Variants in AGMO observed in about 807,000 individuals in gnomAD.
AGMO encodes the protein alkylglycerol monooxygenase, also known as glyceryl-ether monooxygenase.
AGMO carries 75 observed loss-of-function variants against 60.2 expected under a neutral mutation model. That is an observed-to-expected ratio of 1.25 (90% CI 1.03 to 1.51). The LOEUF (loss-of-function observed/expected upper bound fraction) is 1.51. Ranked by LOEUF, AGMO falls within the 40% of genes most tolerant of loss-of-function variation. The pLI, the probability that AGMO is intolerant of heterozygous loss-of-function variation, is 0.00. For synonymous variants in AGMO, 261 were observed against 177.1 expected (o/e 1.47, Z -3.76); for missense variants, 763 against 525.5 (o/e 1.45, Z -4.42).
chr7:15,275,126 G>A (rs1178852757), intron 12 of AGMO, among the ~76,000 whole-genome samples: 2 of 151,816 alleles, frequency 1.3e-5, no homozygotes, highest in Non-Finnish European at 2.9e-5. Context: ...AGTTTCTGGA[G>A]GTGCAAAGTT....
chr7:15,544,630 ACCTT>A, intron 3 of AGMO, 138 bp downstream of exon 3: 1 of 710,338 alleles, frequency 1.4e-6, no homozygotes, highest in Non-Finnish European at 2.0e-6. Flanking sequence ...TGCAAAGTAA[ACCTT>A]CATTATTAAT....
intron 12 of AGMO, among the ~76,000 whole-genome samples, chr7:15,352,183 A>G (rs1305306643): frequency 1.3e-5 from 2 of 152,152 alleles, no homozygotes; most frequent in Non-Finnish European, 2.9e-5. Context: ...TCACCCCGCC[A>G]TAGATCTTCA....
At chr7:15,386,803 C>G (rs1339023097) in intron 9 of AGMO, among the ~76,000 whole-genome samples, 1 of 152,182 alleles carries the variant, frequency 6.6e-6, no homozygotes, top group Non-Finnish European at 1.5e-5. Context: ...AGCACCTTCT[C>G]TTTCTTCCCC....
At chr7:15,265,011 G>C (rs1043114120) in intron 12 of AGMO, among the ~76,000 whole-genome samples, 12 of 152,094 alleles carry the variant, frequency 7.9e-5, no homozygotes, top group African/African-American at 2.9e-4. Context: ...ATTCACAAGA[G>C]CAAAGACATG....
At chr7:15,417,961 A>G (rs1309033815) in intron 5 of AGMO, among the ~76,000 whole-genome samples, 3 of 152,170 alleles carry the variant, frequency 2.0e-5, no homozygotes, top group Non-Finnish European at 4.4e-5. Flanking sequence ...TCATAAACCA[A>G]TCAGCTGCTT....
chr7:15,249,224 T>A (rs1475860501), intron 12 of AGMO, among the ~76,000 whole-genome samples: 1 of 152,182 alleles, frequency 6.6e-6, no homozygotes, highest in Non-Finnish European at 1.5e-5. Flanking sequence ...GGAAGGTATA[T>A]CTGACTTTAA....
chr7:15,368,890 T>C (rs1783091203), intron 10 of AGMO, among the ~76,000 whole-genome samples: 1 of 152,148 alleles, frequency 6.6e-6, no homozygotes, highest in Non-Finnish European at 1.5e-5. Context: ...ACCAACTTGA[T>C]GCAGGAATCC....
chr7:15,496,038 T>C (rs1436176004), intron 3 of AGMO, among the ~76,000 whole-genome samples: 3 of 152,100 alleles, frequency 2.0e-5, no homozygotes, highest in Non-Finnish European at 2.9e-5. Flanking sequence ...GAGACACAAA[T>C]ACTCAGTCCA....
chr7:15,399,834 C>T (rs1453360601), intron 5 of AGMO, among the ~76,000 whole-genome samples: 4 of 152,168 alleles, frequency 2.6e-5, no homozygotes, highest in African/African-American at 9.7e-5. Flanking sequence ...ATGTCCAAAA[C>T]TTTCAGAGTT....
chr7:15,176,332 T>C, the AGMO span, among the ~76,000 whole-genome samples: 4 of 151,912 alleles, frequency 2.6e-5, no homozygotes, highest in African/African-American at 9.7e-5. Context: ...AAGTTTCCGA[T>C]CTACAACTGA....
At chr7:15,317,503 G>C (rs1780961109) in intron 12 of AGMO, among the ~76,000 whole-genome samples, 1 of 152,030 alleles carries the variant, frequency 6.6e-6, no homozygotes, top group Admixed American at 6.6e-5. Flanking sequence ...TCACGTTGTT[G>C]GGTATAATAT....
At chr7:15,529,216 A>ATTG (rs1784210897) in intron 3 of AGMO, among the ~76,000 whole-genome samples, 1 of 151,866 alleles carries the variant, frequency 6.6e-6, no homozygotes, top group Non-Finnish European at 1.5e-5. Flanking sequence ...TGTTATTATT[A>ATTG]TTGGAGGATG....
chr7:15,181,071 T>C, the AGMO span, among the ~76,000 whole-genome samples: 1 of 152,196 alleles, frequency 6.6e-6, no homozygotes, highest in Admixed American at 6.5e-5. Flanking sequence ...TGAGGGCAGA[T>C]CCCTCATGAC....
intron 3 of AGMO, among the ~76,000 whole-genome samples, chr7:15,448,692 G>A (rs531042980): frequency 6.6e-5 from 9 of 135,740 alleles, no homozygotes; most frequent in South Asian, 4.7e-4. Flanking sequence ...TTTAAATTTT[G>A]CTTTTGAATT....
chr7:15,166,194 G>A, the AGMO span, among the ~76,000 whole-genome samples: 2 of 152,118 alleles, frequency 1.3e-5, no homozygotes, highest in African/African-American at 2.4e-5. Context: ...AAGAAGGATC[G>A]GTGGTGCTGA....
intron 12 of AGMO, among the ~76,000 whole-genome samples, chr7:15,341,068 G>T (rs1233172913): frequency 6.6e-6 from 1 of 152,080 alleles, no homozygotes; most frequent in African/African-American, 2.4e-5. Context: ...TATGAGACAT[G>T]GAGTCAAAGG....
chr7:15,402,317 TCTC>T (rs1376043911), intron 5 of AGMO, among the ~76,000 whole-genome samples: 2 of 150,314 alleles, frequency 1.3e-5, no homozygotes, highest in East Asian at 3.9e-4. Flanking sequence ...TCTTTTTCTC[TCTC>T]TTCTTCTTCT....
At chr7:15,396,242 A>C in intron 5 of AGMO, 2 of 152,474 alleles carry the variant, frequency 1.3e-5, no homozygotes, top group South Asian at 4.1e-4. Flanking sequence ...GGACCCTCGC[A>C]GTGAGTGCTA....
the AGMO span, among the ~76,000 whole-genome samples, chr7:15,153,191 T>TTTTTC: frequency 2.0e-5 from 3 of 152,054 alleles, no homozygotes; most frequent in African/African-American, 7.2e-5. Flanking sequence ...ATTGTTTTTT[T>TTTTTC]TTTTCTTTTC....
Sources: gnomAD v4.1 joint callset for allele counts (sites outside exome capture counted in the v4.1 genomes callset) on GRCh38, gnomAD v4.1.1 for gene constraint, MANE v1.5 for transcripts, NCBI Gene and HGNC (gene_info 2026-07-23, HGNC 2026-07-21) for gene names.